The following PLS3 variants were observed in gnomAD, a reference collection of about 807,000 sequenced individuals.
The protein encoded by PLS3 is plastin 3.
A neutral mutation model predicts 46.5 loss-of-function variants in PLS3; 11 were observed. The observed-to-expected ratio is 0.24, with a 90% CI of 0.15 to 0.39. PLS3 has a LOEUF of 0.39. PLS3 is among the 10% of genes least tolerant of loss of function. The pLI, the probability that PLS3 is intolerant of heterozygous loss-of-function variation, is 1.00. For missense variants in PLS3, 308 were observed against 461.8 expected, an observed-to-expected ratio of 0.67 and a Z score of 3.05; for synonymous variants, 167 against 162.2, an observed-to-expected ratio of 1.03 and a Z score of -0.22.
chrX:115,640,276 TAAATTA>T (rs2074881626), intron 8 of PLS3, 126 bp from the exon 9 acceptor site: 4 of 639,727 alleles, frequency 6.3e-6, no homozygotes, highest in Non-Finnish European at 7.5e-6. Flanking sequence ...AAACACCTGT[TAAATTA>T]AAAGGCAGAG....
chrX:115,566,932 C>A (rs1556630201), intron 1 of PLS3, among the ~76,000 whole-genome samples: 1 of 112,116 alleles, frequency 8.9e-6, no homozygotes, highest in African/African-American at 3.2e-5. Flanking sequence ...CCGCCTTGGC[C>A]TCCCAGAGTG....
chrX:115,586,396 C>T lies in PLS3; in HGVS notation c.-8-23847C>T, dbSNP rs185521490. Among the ~76,000 whole-genome samples, 17 of 105,405 alleles carry T rather than the reference C, an allele frequency of 1.6e-4. No homozygotes were observed. The East Asian group carries it at 4.0e-3, about 25-fold the overall frequency. The allele number at this position is 105,405 out of a possible 115,157, so 91.5% of individuals were successfully genotyped here. A position where few individuals can be genotyped will look rare whatever the true frequency, so the allele number is the denominator to read the frequency against. Reference sequence around the variant, plus strand: ...ATTAAAAGTTTCTAAACAGGCCGGGCGCTGTGGCTCACACCTATAATGCCA... The same window carrying T: ...ATTAAAAGTTTCTAAACAGGCCGGGTGCTGTGGCTCACACCTATAATGCCA... On this transcript the variant is annotated intron_variant, in intron 1 of 15. Transcript: ENST00000355899.
intron 1 of PLS3, among the ~76,000 whole-genome samples, chrX:115,583,255 A>G (rs2074289327): frequency 8.9e-6 from 1 of 112,171 alleles, no homozygotes; most frequent in Non-Finnish European, 1.9e-5. Context: ...AAAAATTTGG[A>G]TTTTTCAGCT....
At chrX:115,625,271 A>G (rs782378404) in intron 3 of PLS3, among the ~76,000 whole-genome samples, 6 of 111,265 alleles carry the variant, frequency 5.4e-5, no homozygotes, top group Non-Finnish European at 1.1e-4. Context: ...ACCAGACTAC[A>G]AACAAAAACA....
At chrX:115,602,592 G>T in intron 1 of PLS3, among the ~76,000 whole-genome samples, 1 of 111,362 alleles carries the variant, frequency 9.0e-6, no homozygotes, top group African/African-American at 3.3e-5. Flanking sequence ...GATGGAGGAA[G>T]GTGACAACAC....
At chrX:115,633,086 G>GA (rs1180653932) in intron 5 of PLS3, among the ~76,000 whole-genome samples, 9 of 107,994 alleles carry the variant, frequency 8.3e-5, no homozygotes, top group Admixed American at 4.0e-4. Flanking sequence ...AAAAGAATGA[G>GA]AAAAAATTAA....
chrX:115,566,382 G>T (rs1384521575), intron 1 of PLS3, among the ~76,000 whole-genome samples: 5 of 111,088 alleles, frequency 4.5e-5, no homozygotes, highest in African/African-American at 1.6e-4. Context: ...CTTTTGTTTT[G>T]TTCTGTTTTG....
In PLS3 at chrX:115,566,042, A is replaced by G. The variant is rs1464604539; in HGVS notation, c.-9+4782A>G. Among the ~76,000 whole-genome samples, 7 of 112,286 alleles carry G rather than the reference A, an allele frequency of 6.2e-5. No homozygotes were observed. In the Admixed American group the frequency reaches 6.6e-4, roughly 11 times the overall value. On this transcript the variant is annotated intron_variant, in intron 1 of 15. Transcript: ENST00000355899. Reference sequence around the variant, plus strand: ...CTGGGTTTCACTTTATTTTTAAGCCATGTGATTCCAATCTACATATTTCAC... The same window carrying G: ...CTGGGTTTCACTTTATTTTTAAGCCGTGTGATTCCAATCTACATATTTCAC...
At position 115,643,432 on chromosome X, in the gene PLS3, C is replaced by T. The variant is rs2074918190; in HGVS notation, c.1107C>T (p.Phe369=). The change falls in exon 10 of 16, where the codon TTC becomes TTT. Residue 369 remains phenylalanine, a synonymous_variant. Coordinates refer to ENST00000355899, the MANE Select transcript of PLS3 (RefSeq NM_005032.7). Reference sequence around the variant, plus strand: ...GAAACCCCAAACTCAACTTAGCTTTCGTGGCTAACCTGTTTAATAAATACC... The same window carrying T: ...GAAACCCCAAACTCAACTTAGCTTTTGTGGCTAACCTGTTTAATAAATACC... ...VSGNPKLNLA[F]VANLFNKYPA... The T allele has an allele frequency of 3.3e-6, 4 of 1,199,842 alleles. No individual in the cohort carries two copies. Among genetic ancestry groups the T allele is most frequent in the Non-Finnish European group, 3.4e-6 (3 of 886,555 alleles).
intron 1 of PLS3, among the ~76,000 whole-genome samples, chrX:115,573,178 A>G (rs1174923619): frequency 9.0e-6 from 1 of 111,643 alleles, no homozygotes; most frequent in African/African-American, 3.2e-5. Flanking sequence ...AGCATAAAAT[A>G]ATTTCTAAAT....
chrX:115,620,921 T>G (rs1181584615), intron 2 of PLS3, among the ~76,000 whole-genome samples: 3 of 109,540 alleles, frequency 2.7e-5, no homozygotes, highest in African/African-American at 6.6e-5. Context: ...CTCGAACTCC[T>G]GACCTCAAGT....
chrX:115,647,469 T>C, intron 13 of PLS3, 81 bp from the exon 14 acceptor site: 1 of 899,816 alleles, frequency 1.1e-6, no homozygotes, highest in African/African-American at 2.0e-5. Flanking sequence ...ATATAAAAAG[T>C]GGAAGATAAA....
chrX:115,639,689 TTAA>T lies in PLS3; in HGVS notation c.892-715_892-713del, dbSNP rs782401261. 58 of 329,415 alleles carry T rather than the reference TTAA, an allele frequency of 1.8e-4. 1 individual carries two copies. Among genetic ancestry groups the T allele is most frequent in the Non-Finnish European group, 2.8e-4 (48 of 170,983 alleles). 27.1% of individuals were successfully genotyped at this position (329,415 alleles called of 1,213,427 possible). On this transcript the variant is annotated intron_variant, in intron 8 of 15. Coordinates refer to ENST00000355899, the MANE Select transcript of PLS3 (RefSeq NM_005032.7). ...TTACTTGACACGTGTGTAAAGGTTC[TTAA>T]TAAGCGTTTGTGCAAGTACAATAGT...
At chrX:115,633,535 G>T (rs1603241802) in intron 5 of PLS3, among the ~76,000 whole-genome samples, 1 of 110,537 alleles carries the variant, frequency 9.0e-6, no homozygotes, top group African/African-American at 3.3e-5. Context: ...CTGTTGCCCA[G>T]GCTGGAGTGG....
At position 115,646,186 on chromosome X, in the gene PLS3, G is replaced by A; in HGVS notation, c.1377G>A (p.Lys459=). The part of the protein sequence containing the change: ...PYPKLGANMK[K]LENCNYAVEL... ...CGAAACTGGGAGCCAACATGAAAAA[G>A]GTAGATAATTAAGTTGCTGTATATA... is the stretch of plus-strand genomic sequence containing the variant. The change falls in exon 12 of 16, where the codon AAG becomes AAA. Residue 459 remains lysine, a splice_region_variant and synonymous_variant. Coordinates refer to ENST00000355899, the MANE Select transcript of PLS3 (RefSeq NM_005032.7). The A allele has an allele frequency of 9.5e-7, 1 of 1,048,871 alleles. No homozygotes were observed. Among genetic ancestry groups the A allele is most frequent in the Non-Finnish European group, 1.3e-6 (1 of 754,404 alleles). 86.4% of individuals were successfully genotyped at this position (1,048,871 alleles called of 1,213,427 possible).
At chrX:115,621,024 A>G (rs1556637478) in intron 2 of PLS3, among the ~76,000 whole-genome samples, 2 of 102,615 alleles carry the variant, frequency 1.9e-5, no homozygotes, top group African/African-American at 7.2e-5. Flanking sequence ...TATTTTATAT[A>G]TTTTTTTGAG....
At position 115,568,549 on chromosome X, in the gene PLS3, T is replaced by A. The variant is rs189182854; in HGVS notation, c.-9+7289T>A. 2.7e-5 allele frequency among the ~76,000 whole-genome samples: 3 copies of A among 112,193 alleles called. No individual in the cohort carries two copies. In the East Asian group the frequency reaches 8.3e-4, roughly 31 times the overall value. On this transcript the variant is annotated intron_variant, in intron 1 of 15. Transcript: ENST00000355899. Reference sequence around the variant, plus strand: ...GCTGTTTCATAATTTATTTCACTAATTCCAAGTTGTTGAACATTTGTTTCC... The same window carrying A: ...GCTGTTTCATAATTTATTTCACTAAATCCAAGTTGTTGAACATTTGTTTCC...
rs7051609 is a variant in PLS3, at chrX:115,639,908, G to A, written c.892-500G>A. 84,468 of 434,346 alleles carry A rather than the reference G, an allele frequency of 0.19. 7,298 individuals carry two copies. The highest frequency in any genetic ancestry group is 0.43 in the South Asian group (13,054 of 30,251). The allele number at this position is 434,346 out of a possible 1,213,427, so 35.8% of individuals were successfully genotyped here. A position where few individuals can be genotyped will look rare whatever the true frequency, so the allele number is the denominator to read the frequency against. Reference sequence around the variant, plus strand: ...TCATAGAGGGTTCAGTGTTATTTTAGCAACTAAAATGTTTACCATTTAATG... The same window carrying A: ...TCATAGAGGGTTCAGTGTTATTTTAACAACTAAAATGTTTACCATTTAATG... On this transcript the variant is annotated intron_variant, in intron 8 of 15. Coordinates refer to ENST00000355899, the MANE Select transcript of PLS3 (RefSeq NM_005032.7).
intron 1 of PLS3, among the ~76,000 whole-genome samples, chrX:115,565,022 T>C (rs782673977): frequency 1.4e-3 from 162 of 112,107 alleles, no homozygotes; most frequent in African/African-American, 5.2e-3. Context: ...CCATATAATG[T>C]ATATTCAGTG....
Sources: gnomAD v4.1 joint callset for allele counts (sites outside exome capture counted in the v4.1 genomes callset) on GRCh38, gnomAD v4.1.1 for gene constraint, MANE v1.5 for transcripts, NCBI Gene and HGNC (gene_info 2026-07-23, HGNC 2026-07-21) for gene names.